Variants in GALNT13 observed in about 807,000 individuals in gnomAD.
The protein encoded by GALNT13 is UDP-GalNAc:polypeptide N-acetylgalactosaminyltransferase 13.
A neutral mutation model predicts 64.2 loss-of-function variants in GALNT13; 28 were observed. The observed-to-expected ratio is 0.44, with a 90% CI of 0.32 to 0.60. GALNT13 has a LOEUF of 0.60. Ranked by LOEUF, GALNT13 falls within the 20% of genes least tolerant of loss-of-function variation. The pLI is 0.05. For missense variants in GALNT13, 577 were observed against 669.8 expected, an observed-to-expected ratio of 0.86 and a Z score of 1.53; for synonymous variants, 214 against 224.6, an observed-to-expected ratio of 0.95 and a Z score of 0.42.
chr2:153,346,916 T>C, the GALNT13 span, among the ~76,000 whole-genome samples: 120,892 of 152,142 alleles, frequency 0.79, 48,924 homozygotes, highest in African/African-American at 0.89. Context: ...ATAATTTGTA[T>C]AAGATCATAC....
chr2:153,279,753 C>A, the GALNT13 span, among the ~76,000 whole-genome samples: 3,229 of 152,114 alleles, frequency 0.021, 120 homozygotes, highest in African/African-American at 0.073. Flanking sequence ...CTACTGGATT[C>A]AGTTTGCTAG....
At chr2:154,436,413 C>T (rs1334477236) in intron 11 of GALNT13, 2 of 152,124 alleles carry the variant, frequency 1.3e-5, no homozygotes, top group Admixed American at 6.5e-5. Flanking sequence ...GAGAAGAATA[C>T]ACTGTATAAA....
chr2:153,803,666 T>G, the GALNT13 span, among the ~76,000 whole-genome samples: 1 of 124,894 alleles, frequency 8.0e-6, no homozygotes, highest in Admixed American at 1.1e-4. Flanking sequence ...CACTCCAGCC[T>G]GGGCGACAGA....
At chr2:153,523,817 A>T in the GALNT13 span, among the ~76,000 whole-genome samples, 9 of 152,028 alleles carry the variant, frequency 5.9e-5, no homozygotes, top group Non-Finnish European at 1.2e-4. Context: ...CTCTTATTGC[A>T]TTAGCTAGGA....
At chr2:153,402,708 T>A in the GALNT13 span, among the ~76,000 whole-genome samples, 95 of 152,336 alleles carry the variant, frequency 6.2e-4, no homozygotes, top group East Asian at 7.7e-3. Flanking sequence ...CCTTTCTTCC[T>A]GTTGATCGCA....
chr2:154,041,798 C>G (rs1486553985), intron 3 of GALNT13, among the ~76,000 whole-genome samples: 1 of 139,980 alleles, frequency 7.1e-6, no homozygotes, highest in African/African-American at 2.4e-5. Context: ...TTATAGTGAT[C>G]TCATATACAA....
the GALNT13 span, among the ~76,000 whole-genome samples, chr2:153,784,547 T>C: frequency 3.3e-5 from 5 of 152,206 alleles, no homozygotes; most frequent in East Asian, 1.9e-4. Flanking sequence ...GATTGATGCA[T>C]GTCCTTAATT....
the GALNT13 span, among the ~76,000 whole-genome samples, chr2:153,764,653 T>C: frequency 2.0e-5 from 3 of 152,212 alleles, no homozygotes; most frequent in African/African-American, 7.2e-5. Context: ...GAAATTGGCA[T>C]AAGTAAGGAA....
the GALNT13 span, among the ~76,000 whole-genome samples, chr2:153,538,305 C>A: frequency 1.7e-5 from 1 of 58,636 alleles, no homozygotes; most frequent in Non-Finnish European, 3.8e-5. Flanking sequence ...GAAGAAATTT[C>A]TTTTCTTTTT....
At chr2:153,160,283 A>T in the GALNT13 span, among the ~76,000 whole-genome samples, 1 of 152,176 alleles carries the variant, frequency 6.6e-6, no homozygotes, top group Non-Finnish European at 1.5e-5. Flanking sequence ...GGATGTAAGG[A>T]TACAGTGATG....
the GALNT13 span, among the ~76,000 whole-genome samples, chr2:153,658,139 A>C: frequency 6.6e-6 from 1 of 151,804 alleles, no homozygotes; most frequent in African/African-American, 2.4e-5. Flanking sequence ...GTATTATAAA[A>C]CCTCTGCAGC....
the GALNT13 span, among the ~76,000 whole-genome samples, chr2:153,866,781 T>C: frequency 3.3e-5 from 5 of 152,204 alleles, no homozygotes; most frequent in African/African-American, 1.2e-4. Flanking sequence ...GTAGCTATAT[T>C]ATTTACTGAT....
rs542415128 is a variant in GALNT13, at chr2:154,297,854, T to C, written c.976-3555T>C. Among the ~76,000 whole-genome samples the C allele has an allele frequency of 1.4e-4, 21 of 152,232 alleles. No homozygotes were observed. In the South Asian group the frequency reaches 1.7e-3, roughly 12 times the overall value. On this transcript the variant is annotated intron_variant, in intron 8 of 12. Transcript: ENST00000392825. Reference sequence around the variant, plus strand: ...ATTGGTTTGACTATCTGGGTGAATGTTGGCACCATATACTATCAATTGGAA... The same window carrying C: ...ATTGGTTTGACTATCTGGGTGAATGCTGGCACCATATACTATCAATTGGAA...
chr2:153,920,216 A>C (rs539436411), intron 2 of GALNT13, among the ~76,000 whole-genome samples: 80 of 151,608 alleles, frequency 5.3e-4, no homozygotes, highest in African/African-American at 1.9e-3. Context: ...TGTCTTGAAA[A>C]AATAACTTAG....
chr2:154,272,338 G>T (rs1691399048), intron 8 of GALNT13, among the ~76,000 whole-genome samples: 1 of 151,968 alleles, frequency 6.6e-6, no homozygotes, highest in African/African-American at 2.4e-5. Context: ...CCTGTATATA[G>T]CAATAAGCCA....
intron 4 of GALNT13, among the ~76,000 whole-genome samples, chr2:154,203,027 G>A (rs1308186138): frequency 2.0e-5 from 3 of 152,046 alleles, no homozygotes; most frequent in Non-Finnish European, 2.9e-5. Flanking sequence ...ACCTGCTAAC[G>A]AAAATATACT....
intron 1 of GALNT13, among the ~76,000 whole-genome samples, chr2:153,893,225 A>G (rs1687670333): frequency 6.6e-6 from 1 of 152,100 alleles, no homozygotes; most frequent in Non-Finnish European, 1.5e-5. Context: ...TTCGTCAAAA[A>G]ATCATGTTTT....
the GALNT13 span, among the ~76,000 whole-genome samples, chr2:153,308,182 C>G: frequency 6.6e-6 from 1 of 152,064 alleles, no homozygotes; most frequent in Admixed American, 6.6e-5. Flanking sequence ...TTAATAAAAC[C>G]TAGACTTATC....
the GALNT13 span, among the ~76,000 whole-genome samples, chr2:153,769,888 T>A: frequency 6.6e-6 from 1 of 152,226 alleles, no homozygotes; most frequent in Non-Finnish European, 1.5e-5. Context: ...TATTTTGTAA[T>A]TCCTTTAATG....
Sources: gnomAD v4.1 joint callset for allele counts (sites outside exome capture counted in the v4.1 genomes callset) on GRCh38, gnomAD v4.1.1 for gene constraint, MANE v1.5 for transcripts, NCBI Gene and HGNC (gene_info 2026-07-23, HGNC 2026-07-21) for gene names.